Variants in ADCY1 observed in about 807,000 individuals in gnomAD.
ADCY1 encodes adenylate cyclase type 1.
A neutral mutation model predicts 105.4 loss-of-function variants in ADCY1; 28 were observed. The observed-to-expected ratio is 0.27, with a 90% CI of 0.20 to 0.36. The LOEUF is 0.36. Among genes scored for constraint, ADCY1 ranks in the 10% least tolerant of loss-of-function variants. ADCY1 has a pLI of 1.00. For missense variants in ADCY1, 977 were observed against 1,434.2 expected (o/e 0.68, Z 5.15); for synonymous variants, 655 against 623.8 (o/e 1.05, Z -0.75).
intron 2 of ADCY1, among the ~76,000 whole-genome samples, chr7:45,606,711 T>G (rs920159867): frequency 1.3e-5 from 2 of 152,216 alleles, no homozygotes; most frequent in Non-Finnish European, 2.9e-5. Context: ...CAATTGTCAC[T>G]GAAAATCTAG....
chr7:45,683,643 CAT>C (rs1241974080), intron 11 of ADCY1, among the ~76,000 whole-genome samples: 2 of 152,078 alleles, frequency 1.3e-5, no homozygotes. Context: ...CGGAGCTGAT[CAT>C]ATATATTAGC....
Position 45,714,337 on chromosome 7 carries a change from C to A in ADCY1, c.*342C>A, listed in dbSNP as rs1450265811. 1 of 302,378 alleles carries A rather than the reference C, an allele frequency of 3.3e-6. No homozygotes were observed. The highest frequency in any genetic ancestry group is 6.2e-6 in the Non-Finnish European group (1 of 161,798). The allele number at this position is 302,378 out of a possible 1,614,324, so 18.7% of individuals were successfully genotyped here. On this transcript the variant is annotated 3_prime_UTR_variant, in exon 20 of 20. Transcript: ENST00000297323. ...GGCCAGGTCGGCATCAATGTAAGGA[C>A]CTTCAGAGCATCCCAGGGTTACAGC...
intron 4 of ADCY1, among the ~76,000 whole-genome samples, chr7:45,626,097 A>G (rs2115945425): frequency 6.6e-6 from 1 of 152,318 alleles, no homozygotes; most frequent in Admixed American, 6.5e-5. Flanking sequence ...AGGTCTGTGA[A>G]GGGCAGATAG....
chr7:45,661,336 G>A (rs1238110380), intron 7 of ADCY1, among the ~76,000 whole-genome samples: 1 of 152,046 alleles, frequency 6.6e-6, no homozygotes, highest in African/African-American at 2.4e-5. Context: ...CTACCTGTAG[G>A]GGCCAGAGAA....
chr7:45,644,418 T>C (rs1794606315), intron 4 of ADCY1, among the ~76,000 whole-genome samples: 1 of 152,246 alleles, frequency 6.6e-6, no homozygotes, highest in African/African-American at 2.4e-5. Context: ...TCTCTGTGGC[T>C]GCCTGCTCAG....
intron 3 of ADCY1, among the ~76,000 whole-genome samples, chr7:45,615,511 A>T (rs2115893488): frequency 6.6e-6 from 1 of 152,266 alleles, no homozygotes; most frequent in East Asian, 1.9e-4. Context: ...AAGTGGGAGG[A>T]TTGCTTGTGC....
At chr7:45,637,460 T>C (rs553483147) in intron 4 of ADCY1, among the ~76,000 whole-genome samples, 21 of 152,344 alleles carry the variant, frequency 1.4e-4, no homozygotes, top group African/African-American at 4.6e-4. Context: ...TGGTGGCTCA[T>C]ACCTGTAATC....
chr7:45,638,108 T>G (rs576010804), intron 4 of ADCY1, among the ~76,000 whole-genome samples: 1 of 152,328 alleles, frequency 6.6e-6, no homozygotes, highest in East Asian at 1.9e-4. Context: ...CATCTGTAGT[T>G]TTACAGTTAA....
intron 8 of ADCY1, among the ~76,000 whole-genome samples, chr7:45,665,304 T>C (rs1265975909): frequency 6.6e-6 from 1 of 152,236 alleles, no homozygotes; most frequent in East Asian, 1.9e-4. Flanking sequence ...TGTAATGGAA[T>C]CCAGAGAGTC....
rs12721474 is a variant in ADCY1 at position 45,704,835 on chromosome 7, G to A, written c.2817+219G>A. On this transcript the variant is annotated intron_variant, in intron 17 of 19. Coordinates refer to ENST00000297323, the MANE Select transcript of ADCY1 (RefSeq NM_021116.4). ...GGCACCGGAGCTTCCTCCAGCCCCAGCCCTGCCCTGCTAGACACCTCCCCC... is the reference window on the plus strand; with the variant it reads ...GGCACCGGAGCTTCCTCCAGCCCCAACCCTGCCCTGCTAGACACCTCCCCC... Among the ~76,000 whole-genome samples, 92 of 152,116 alleles carry A rather than the reference G, an allele frequency of 6.0e-4. 1 individual carries two copies. Among genetic ancestry groups the A allele is most frequent in the African/African-American group, 2.2e-3 (91 of 41,510 alleles).
chr7:45,709,009 A>G (rs1345004136), intron 18 of ADCY1, among the ~76,000 whole-genome samples: 1 of 152,022 alleles, frequency 6.6e-6, no homozygotes, highest in East Asian at 1.9e-4. Context: ...CTTGAGATGT[A>G]GACAGTTTAC....
chr7:45,619,597 A>G (rs1282635035), intron 3 of ADCY1, among the ~76,000 whole-genome samples: 1 of 152,174 alleles, frequency 6.6e-6, no homozygotes, highest in African/African-American at 2.4e-5. Flanking sequence ...ATTTTCAACA[A>G]TATGTATGGA....
chr7:45,708,498 G>A lies in ADCY1; in HGVS notation c.2932+34G>A, dbSNP rs1371911174. ...CTCTAAACCTATCCTGTCCATCCATGTGGAACACCTTCCTACACCCACCTA... is the reference window on the plus strand; with the variant it reads ...CTCTAAACCTATCCTGTCCATCCATATGGAACACCTTCCTACACCCACCTA... On this transcript the variant is annotated intron_variant, in intron 18 of 19. Coordinates refer to ENST00000297323, the MANE Select transcript of ADCY1 (RefSeq NM_021116.4). The surrounding 1 kb of genome is among the most constrained non-coding windows in gnomAD (Gnocchi z 4.7). 1.3e-6 allele frequency: 2 copies of A among 1,520,926 alleles called. No individual in the cohort carries two copies. The highest frequency in any genetic ancestry group is 1.7e-5 in the Admixed American group (1 of 59,804). 94.2% of individuals were successfully genotyped at this position (1,520,926 alleles called of 1,614,324 possible). A position where few individuals can be genotyped will look rare whatever the true frequency, so the allele number is the denominator to read the frequency against.
chr7:45,624,682 C>T (rs1028605777), intron 4 of ADCY1, among the ~76,000 whole-genome samples: 1 of 152,174 alleles, frequency 6.6e-6, no homozygotes, highest in African/African-American at 2.4e-5. Context: ...AATGCCCTTG[C>T]AGTCTTGTCT....
chr7:45,646,142 C>T (rs1269588843), intron 4 of ADCY1, among the ~76,000 whole-genome samples: 1 of 152,114 alleles, frequency 6.6e-6, no homozygotes, highest in Non-Finnish European at 1.5e-5. Context: ...GCACAGAGCA[C>T]ACCAGGGCAG....
rs1785034141 is a variant in ADCY1, at chr7:45,703,141, T to A, written c.2455-235T>A. The stretch of plus-strand genomic sequence containing the variant: ...CCTGGAAATGAGGTGAAGCCATAGT[T>A]TGTCCTTTGGACATTCTAGCAGATG... On this transcript the variant is annotated intron_variant, in intron 14 of 19. Transcript: ENST00000297323. The surrounding 1 kb of genome is among the most constrained non-coding windows in gnomAD (Gnocchi z 5.9). Among the ~76,000 whole-genome samples the A allele has an allele frequency of 6.6e-6, 1 of 152,168 alleles. No homozygotes were observed.
At chr7:45,711,375 G>C (rs1785227120) in intron 19 of ADCY1, among the ~76,000 whole-genome samples, 1 of 152,020 alleles carries the variant, frequency 6.6e-6, no homozygotes, top group Non-Finnish European at 1.5e-5. Context: ...GGCAGTTTAA[G>C]GGACAGGTAG....
At position 45,591,330 on chromosome 7, in the gene ADCY1, C is replaced by T. The variant is rs571155345; in HGVS notation, c.640-1429C>T. ...CCATCCTGCTGCCTGTAGCTTGGCC[C>T]GATCAGGGTGACACCCATCTGTCCC... On this transcript the variant is annotated intron_variant, in intron 1 of 19. Coordinates refer to ENST00000297323, the MANE Select transcript of ADCY1 (RefSeq NM_021116.4). The surrounding 1 kb of genome is among the most constrained non-coding windows in gnomAD (Gnocchi z 4.1). Among the ~76,000 whole-genome samples the T allele has an allele frequency of 6.1e-4, 93 of 152,338 alleles. No individual in the cohort carries two copies. The highest frequency in any genetic ancestry group is 1.4e-3 in the Admixed American group (21 of 15,310).
chr7:45,585,644 C>T (rs542905938), intron 1 of ADCY1, among the ~76,000 whole-genome samples: 32 of 152,096 alleles, frequency 2.1e-4, no homozygotes, highest in Admixed American at 3.9e-4. Flanking sequence ...GATGGGGTTT[C>T]TCCATGTTGG....
Sources: allele counts gnomAD v4.1 joint callset (sites outside exome capture counted in the v4.1 genomes callset), GRCh38; gene constraint gnomAD v4.1.1; non-coding constraint Gnocchi (gnomAD v3.1); transcripts MANE v1.5; gene names NCBI Gene and HGNC (gene_info 2026-07-23, HGNC 2026-07-21).